The following NTF3 variants were observed in gnomAD, a reference collection of about 807,000 sequenced individuals.
NTF3 encodes neurotrophin-3.
A neutral mutation model predicts 26.3 loss-of-function variants in NTF3; 8 were observed. The ratio of observed to expected loss-of-function variants is 0.30; its 90% confidence interval spans 0.18 to 0.55. The LOEUF is 0.55. NTF3 is among the 20% of genes least tolerant of loss of function. The pLI is 0.93. For synonymous variants in NTF3, 154 were observed against 145.5 expected (o/e 1.06, Z -0.42); for missense variants, 276 against 352.9 (o/e 0.78, Z 1.75).
At chr12:5,476,609 G>A (rs1940728166) in intron 1 of NTF3, among the ~76,000 whole-genome samples, 1 of 152,202 alleles carries the variant, frequency 6.6e-6, no homozygotes, top group Non-Finnish European at 1.5e-5. Context: ...AGTGGCTGGA[G>A]TGGTGGATCA....
intron 1 of NTF3, among the ~76,000 whole-genome samples, chr12:5,452,846 A>G (rs1401610073): frequency 6.6e-6 from 1 of 152,114 alleles, no homozygotes; most frequent in East Asian, 1.9e-4. Context: ...TTCTTGGTCT[A>G]ATTTTCGGAT....
rs1284856012 is a variant in NTF3 at position 5,433,878 on chromosome 12, G to A, written c.18+1536G>A. Among the ~76,000 whole-genome samples the A allele has an allele frequency of 1.3e-5, 2 of 152,184 alleles. No homozygotes were observed. Among genetic ancestry groups the A allele is most frequent in the African/African-American group, 4.8e-5 (2 of 41,452 alleles). Reference sequence around the variant, plus strand: ...GCTGAGAGGGGAGGGGAGCCTGGAAGGGGTGGGTGTTTCTCCTGGAGCCTG... The same window carrying A: ...GCTGAGAGGGGAGGGGAGCCTGGAAAGGGTGGGTGTTTCTCCTGGAGCCTG... On this transcript the variant is annotated intron_variant, in intron 1 of 1. Transcript: ENST00000423158. The surrounding 1 kb of genome is among the most constrained non-coding windows in gnomAD (Gnocchi z 4.6).
chr12:5,443,446 G>A (rs950147249), intron 1 of NTF3, among the ~76,000 whole-genome samples: 2 of 152,170 alleles, frequency 1.3e-5, no homozygotes, highest in Admixed American at 6.5e-5. Context: ...CCCCAGGGGA[G>A]TTTTGGGTGC....
intron 1 of NTF3, chr12:5,432,975 G>A (rs1264121473): frequency 6.6e-6 from 1 of 152,368 alleles, no homozygotes; most frequent in South Asian, 2.1e-4. Context: ...CGTGGGCTGG[G>A]GGGAGGGGAC....
intron 1 of NTF3, among the ~76,000 whole-genome samples, chr12:5,481,471 C>A (rs1188698362): frequency 4.4e-3 from 55 of 12,442 alleles, no homozygotes; most frequent in Middle Eastern, 0.2. Context: ...CAGAATAACA[C>A]CACACATACA....
intron 1 of NTF3, among the ~76,000 whole-genome samples, chr12:5,462,494 T>G (rs1216811010): frequency 6.6e-6 from 1 of 152,204 alleles, no homozygotes; most frequent in Non-Finnish European, 1.5e-5. Context: ...TAAGATAATT[T>G]GTGTGATGGT....
rs746213486 is a variant in NTF3 at position 5,432,342 on chromosome 12, G to A, written c.18G>A (p.Thr6=). 16 of 1,613,006 alleles carry A rather than the reference G, an allele frequency of 9.9e-6. No individual in the cohort carries two copies. Among genetic ancestry groups the A allele is most frequent in the East Asian group, 2.2e-5 (1 of 44,828 alleles). MVTFA[T]ILQVNKVMSI... ...CGGATGCCATGGTTACTTTTGCCAC[G>A]GTAAGGGGAGGCGGCGGGCACCTTG... The change falls in exon 1 of 2, where the codon ACG becomes ACA. Residue 6 remains threonine (T), a splice_region_variant and synonymous_variant. Coordinates refer to ENST00000423158, the MANE Select transcript of NTF3 (RefSeq NM_001102654.2).
intron 1 of NTF3, among the ~76,000 whole-genome samples, chr12:5,458,290 G>T (rs1405104796): frequency 6.6e-6 from 1 of 152,152 alleles, no homozygotes; most frequent in Non-Finnish European, 1.5e-5. Flanking sequence ...GTGGCCACTT[G>T]AGCATGACCG....
chr12:5,449,470 T>C (rs537401062), intron 1 of NTF3, among the ~76,000 whole-genome samples: 1 of 152,356 alleles, frequency 6.6e-6, no homozygotes, highest in Non-Finnish European at 1.5e-5. Flanking sequence ...CAGGTTGTAG[T>C]GCTTGAGATC....
intron 1 of NTF3, among the ~76,000 whole-genome samples, chr12:5,452,428 G>T (rs1264748948): frequency 6.6e-6 from 1 of 152,126 alleles, no homozygotes; most frequent in Non-Finnish European, 1.5e-5. Context: ...TGCATAAGAT[G>T]ACTTTTCACT....
chr12:5,478,247 GT>G (rs1940747599), intron 1 of NTF3, among the ~76,000 whole-genome samples: 1 of 152,156 alleles, frequency 6.6e-6, no homozygotes, highest in Non-Finnish European at 1.5e-5. Context: ...CCTAAATAGA[GT>G]GCAAAATGAG....
chr12:5,478,633 T>C (rs1940752785), intron 1 of NTF3, among the ~76,000 whole-genome samples: 1 of 152,272 alleles, frequency 6.6e-6, no homozygotes, highest in South Asian at 2.1e-4. Context: ...AAGGAACTTT[T>C]TGGAGTTTCC....
Position 5,432,176 on chromosome 12 carries a change from A to T in NTF3, c.-149A>T. On this transcript the variant is annotated 5_prime_UTR_variant, in exon 1 of 2. Transcript: ENST00000423158. ...CCGCCCCGCGACGCAGCCCGGCGCA[A>T]CTACTTTCTTCTCTCTCCTTTCTTT... 1.1e-6 allele frequency: 1 copy of T among 911,898 alleles called. No homozygotes were observed. Among genetic ancestry groups the T allele is most frequent in the Non-Finnish European group, 1.8e-6 (1 of 567,530 alleles). 56.5% of individuals were successfully genotyped at this position (911,898 alleles called of 1,614,324 possible). A position where few individuals can be genotyped will look rare whatever the true frequency, so the allele number is the denominator to read the frequency against.
In NTF3 at chr12:5,494,713, G is replaced by A. The variant is rs1406836594; in HGVS notation, c.538G>A (p.Asp180Asn). 2 of 1,614,162 alleles carry A rather than the reference G, an allele frequency of 1.2e-6. No individual in the cohort carries two copies. The highest frequency in any genetic ancestry group is 1.1e-5 in the South Asian group (1 of 91,068). ...GGTGACCGACAAGTCATCGGCCATC[G>A]ACATTCGGGGACACCAGGTCACGGT... is the stretch of plus-strand genomic sequence containing the variant. ...LWVTDKSSAI[D>N]IRGHQVTVLG... Residue 180 changes from aspartate (D) to asparagine (N), a missense_variant, in exon 2 of 2, where the codon GAC becomes AAC. Asp to Asn is a conservative substitution (Grantham distance 23). Around this residue, in one of 3 missense-constraint regions of NTF3, gnomAD observed 221 missense variants for 258.2 expected, o/e 0.86. Coordinates refer to ENST00000423158, the MANE Select transcript of NTF3 (RefSeq NM_001102654.2). The surrounding 1 kb of genome is among the most constrained non-coding windows in gnomAD (Gnocchi z 8.3).
At chr12:5,469,728 TTGAAATA>T (rs1156835944) in intron 1 of NTF3, among the ~76,000 whole-genome samples, 1 of 152,208 alleles carries the variant, frequency 6.6e-6, no homozygotes, top group African/African-American at 2.4e-5. Flanking sequence ...ACAACAATTT[TTGAAATA>T]TGTATTTTTT....
intron 1 of NTF3, among the ~76,000 whole-genome samples, chr12:5,445,202 C>G (rs1399249621): frequency 6.6e-6 from 1 of 151,568 alleles, no homozygotes. Context: ...GGAATAGGGA[C>G]AGATGATAAA....
At chr12:5,451,608 C>T (rs1940373341) in intron 1 of NTF3, among the ~76,000 whole-genome samples, 1 of 152,144 alleles carries the variant, frequency 6.6e-6, no homozygotes, top group African/African-American at 2.4e-5. Flanking sequence ...TACCCTTTGA[C>T]ATTCTTTCTC....
chr12:5,494,509 T>A lies in NTF3; in HGVS notation c.334T>A (p.Tyr112Asn). The A allele has an allele frequency of 6.2e-7, 1 of 1,613,916 alleles. No homozygotes were observed. The highest frequency in any genetic ancestry group is 8.5e-7 in the Non-Finnish European group (1 of 1,180,016). ...DTELLRQQRRYNSPRVLLSDS... is the reference protein window; with the variant it reads ...DTELLRQQRRNNSPRVLLSDS... Reference sequence around the variant, plus strand: ...CGAACTGCTGCGACAACAGAGACGCTACAACTCACCGCGGGTCCTGCTGAG... The same window carrying A: ...CGAACTGCTGCGACAACAGAGACGCAACAACTCACCGCGGGTCCTGCTGAG... The change falls in exon 2 of 2, where the codon TAC becomes AAC. Residue 112 changes from tyrosine (Y) to asparagine (N), a missense_variant. By Grantham distance (143) the Tyr-to-Asn change is moderately radical (BLOSUM62 -2). Around this residue, in one of 3 missense-constraint regions of NTF3, gnomAD observed 221 missense variants for 258.2 expected, o/e 0.86. Coordinates refer to ENST00000423158, the MANE Select transcript of NTF3 (RefSeq NM_001102654.2). The surrounding 1 kb of genome is among the most constrained non-coding windows in gnomAD (Gnocchi z 8.3).
At chr12:5,457,187 C>G (rs1052097570) in intron 1 of NTF3, among the ~76,000 whole-genome samples, 2 of 152,210 alleles carry the variant, frequency 1.3e-5, no homozygotes, top group Admixed American at 6.5e-5. Flanking sequence ...AAGTTAGAAA[C>G]TAACCGAATC....
Sources: allele counts gnomAD v4.1 joint callset (sites outside exome capture counted in the v4.1 genomes callset), GRCh38; gene constraint gnomAD v4.1.1; regional missense constraint gnomAD v4.1.1; non-coding constraint Gnocchi (gnomAD v3.1); transcripts MANE v1.5; gene names NCBI Gene and HGNC (gene_info 2026-07-23, HGNC 2026-07-21).